The following EEF2 variants were observed in gnomAD, a reference collection of about 807,000 sequenced individuals.
The protein encoded by EEF2 is elongation factor 2.
A neutral mutation model predicts 85.3 loss-of-function variants in EEF2; 21 were observed. That is an observed-to-expected ratio of 0.25 (90% confidence interval 0.17 to 0.35). The LOEUF is 0.35. EEF2 is among the 10% of genes least tolerant of loss of function. The pLI is 1.00. For missense variants in EEF2, 825 were observed against 1,225.3 expected (o/e 0.67, Z 4.88); for synonymous variants, 723 against 508.8 (o/e 1.42, Z -5.67).
At position 3,982,209 on chromosome 19, in the gene EEF2, G is replaced by T. The variant is rs147164125; in HGVS notation, c.791+37C>A. 5.7e-4 allele frequency: 921 copies of T among 1,610,616 alleles called. 4 individuals carry two copies. Among genetic ancestry groups the T allele is most frequent in the Middle Eastern group, 5.3e-3 (32 of 6,004 alleles). ...CCTACGTCGCTGCCACTACCCCCAG[G>T]TGTCAGGAATCCCCCACCATATCCC... On this transcript the variant is annotated intron_variant, in intron 5 of 14. Coordinates refer to ENST00000309311, the MANE Select transcript of EEF2 (RefSeq NM_001961.4).
Position 3,980,602 on chromosome 19 carries a change from G to T in EEF2, c.1258C>A (p.Leu420Met). The T allele has an allele frequency of 5.6e-6, 9 of 1,614,240 alleles. No individual in the cohort carries two copies. The highest frequency in any genetic ancestry group is 7.6e-6 in the Non-Finnish European group (9 of 1,180,040). Residue 420 changes from leucine to methionine, a missense_variant, in exon 9 of 15, where the codon CTG becomes ATG. Physicochemically the swap from Leu to Met is conservative, Grantham distance 15 (BLOSUM62 2). Coordinates refer to ENST00000309311, the MANE Select transcript of EEF2 (RefSeq NM_001961.4). ...FYAFGRVFSG[L>M]VSTGLKVRIM... ...CTGACCTTCAGGCCAGTGGAGACCA[G>T]CCCCGAGAAGACTCGTCCAAAGGCG...
At position 3,980,952 on chromosome 19, in the gene EEF2, C is replaced by A; in HGVS notation, c.1039G>T (p.Gly347Ter). 1 of 1,574,114 alleles carries A rather than the reference C, an allele frequency of 6.4e-7. No homozygotes were observed. The change falls in exon 8 of 15, where the codon GGA (glycine) becomes TGA (stop). Residue 347 changes from glycine (G) to a stop codon, truncating the protein, a stop_gained. Coordinates refer to ENST00000309311, the MANE Select transcript of EEF2 (RefSeq NM_001961.4). LOFTEE classifies it high-confidence loss of function. ...KAVMRRWLPA[G>*]DALLQMITIH... ...GTGATCATCTGCAACAAGGCGTCTCCGGCAGGCAGCCAGCGGCGCATCACA... is the reference window on the plus strand; with the variant it reads ...GTGATCATCTGCAACAAGGCGTCTCAGGCAGGCAGCCAGCGGCGCATCACA...
intron 7 of EEF2, 107 bp from the exon 8 acceptor site, chr19:3,981,086 G>A (rs559146259): frequency 6.8e-6 from 10 of 1,465,986 alleles, no homozygotes; most frequent in East Asian, 2.5e-5. Context: ...CAGGACTAAC[G>A]TTCTCCAAAG....
At position 3,980,126 on chromosome 19, in the gene EEF2, C is replaced by G. The variant is rs533299244; in HGVS notation, c.1347-60G>C. 299 of 1,569,116 alleles carry G rather than the reference C, an allele frequency of 1.9e-4. 2 individuals are homozygous for G. The East Asian group carries it at 6.7e-3, about 35-fold the overall frequency. ...GATGGTTGTGCTGGACCCTGGAGGG[C>G]CAGGGCAGGTCCCTCCCGGAGTTGG... On this transcript the variant is annotated intron_variant, in intron 9 of 14. Coordinates refer to ENST00000309311, the MANE Select transcript of EEF2 (RefSeq NM_001961.4).
rs1599191033 is a variant in EEF2 at position 3,977,927 on chromosome 19, C to G, written c.1959G>C (p.Gly653=). Residue 653 remains glycine (G), a synonymous_variant, in exon 12 of 15, where the codon GGG becomes GGC. Coordinates refer to ENST00000309311, the MANE Select transcript of EEF2 (RefSeq NM_001961.4). This position sits in a 1 kb window ranked among gnomAD's most constrained non-coding sequence, Gnocchi z 5.4. The stretch of plus-strand genomic sequence containing the variant: ...GGATGTTGGGGCCGGTGCCGTCGGG[C>G]CCAAAGCACCAGATCTTGCGGGCCT... The part of the protein sequence containing the change: ...VAEARKIWCF[G]PDGTGPNILT... 1 of 1,613,516 alleles carries G rather than the reference C, an allele frequency of 6.2e-7. No homozygotes were observed. Among genetic ancestry groups the G allele is most frequent in the Non-Finnish European group, 8.5e-7 (1 of 1,179,974 alleles).
chr19:3,976,340 G>A lies in EEF2; in HGVS notation c.*214C>T, dbSNP rs1191924955. ...CCGGCCCATTAAGTCCCTACTAAGA[G>A]GGCGTGTCTGCTGCCTCCGGACTCT... On this transcript the variant is annotated 3_prime_UTR_variant, in exon 15 of 15. Coordinates refer to ENST00000309311, the MANE Select transcript of EEF2 (RefSeq NM_001961.4). The A allele has an allele frequency of 8.0e-6, 3 of 376,486 alleles. No homozygotes were observed. Among genetic ancestry groups the A allele is most frequent in the East Asian group, 7.1e-5 (1 of 14,180 alleles). 23.3% of individuals were successfully genotyped at this position (376,486 alleles called of 1,614,324 possible). A position where few individuals can be genotyped will look rare whatever the true frequency, so the allele number is the denominator to read the frequency against.
In EEF2 at chr19:3,977,358, G is replaced by A. The variant is rs767795812; in HGVS notation, c.2251-11C>T. The A allele has an allele frequency of 6.9e-6, 11 of 1,590,884 alleles. No individual in the cohort carries two copies. In the East Asian group the frequency reaches 1.6e-4, roughly 23 times the overall value. On this transcript the variant is annotated splice_polypyrimidine_tract_variant and intron_variant, in intron 13 of 14. Transcript: ENST00000309311. The surrounding 1 kb of genome is among the most constrained non-coding windows in gnomAD (Gnocchi z 5.4). ...CACCTGCTCTGGACACTGCCAGAAGGGAAAGAAAACCTGTCAGTGGCCGCT... is the reference window on the plus strand; with the variant it reads ...CACCTGCTCTGGACACTGCCAGAAGAGAAAGAAAACCTGTCAGTGGCCGCT...
intron 4 of EEF2, 87 bp downstream of exon 4, chr19:3,982,720 C>T: frequency 7.0e-7 from 1 of 1,425,534 alleles, no homozygotes; most frequent in Non-Finnish European, 9.6e-7. Flanking sequence ...AACACACTTC[C>T]AGTCCCCCTC....
At chr19:3,978,468 ATT>A (rs1163441638) in intron 11 of EEF2, among the ~76,000 whole-genome samples, 1 of 152,136 alleles carries the variant, frequency 6.6e-6, no homozygotes, top group Non-Finnish European at 1.5e-5. Context: ...CCTCCAGAGC[ATT>A]TGTGTTGTTT....
intron 1 of EEF2, 68 bp downstream of exon 1, chr19:3,985,310 C>G: frequency 7.3e-7 from 1 of 1,371,782 alleles, no homozygotes; most frequent in Non-Finnish European, 9.5e-7. Context: ...GCGTCCCAGG[C>G]TAGGCAGCGT....
At chr19:3,980,453 C>A in intron 9 of EEF2, 61 bp downstream of exon 9, 1 of 1,545,446 alleles carries the variant, frequency 6.5e-7, no homozygotes. Context: ...GAGCCCAAGA[C>A]TTGGAGCAGG....
chr19:3,981,335 G>T lies in EEF2; in HGVS notation c.1011+4C>A, dbSNP rs375407148. On this transcript the variant is annotated splice_donor_region_variant and intron_variant, in intron 7 of 14. Transcript: ENST00000309311. ...CCACCCCGAGGGCTGGGCCCAGGCC[G>T]CACCTTCAGCAGGGGTTTGCCTTCT... is the stretch of plus-strand genomic sequence containing the variant. 34 of 1,613,382 alleles carry T rather than the reference G, an allele frequency of 2.1e-5. 1 individual carries two copies. In the African/African-American group the frequency reaches 2.4e-4, roughly 11 times the overall value.
chr19:3,980,405 A>G, intron 9 of EEF2, 109 bp downstream of exon 9: 22 of 1,347,896 alleles, frequency 1.6e-5, no homozygotes, highest in Non-Finnish European at 2.2e-5. Flanking sequence ...ATCACCCTAT[A>G]TTCCTTCTAT....
Position 3,978,301 on chromosome 19 carries a change from G to A in EEF2, c.1714-129C>T, listed in dbSNP as rs777373355. ...CTGGTAGAGCCACGTCAATCAGAAC[G>A]AAGCGGAGTCAGTGTTGCAGTGCCA... On this transcript the variant is annotated intron_variant, in intron 11 of 14. Coordinates refer to ENST00000309311, the MANE Select transcript of EEF2 (RefSeq NM_001961.4). 12 of 751,740 alleles carry A rather than the reference G, an allele frequency of 1.6e-5. No individual in the cohort carries two copies. In the East Asian group the frequency reaches 1.8e-4, roughly 11 times the overall value. The allele number at this position is 751,740 out of a possible 1,614,324, so 46.6% of individuals were successfully genotyped here.
rs2039676363 is a variant in EEF2, at chr19:3,976,093, G to A, written c.*461C>T. On this transcript the variant is annotated 3_prime_UTR_variant, in exon 15 of 15. Transcript: ENST00000309311. ...CAAATTTATTATTCCAATGGCACTA[G>A]TACAGCTGGAGGTGCTCATGGTGAC... is the stretch of plus-strand genomic sequence containing the variant. The A allele has an allele frequency of 5.5e-6, 1 of 181,386 alleles. No homozygotes were observed. The highest frequency in any genetic ancestry group is 9.9e-5 in the South Asian group (1 of 10,086). 11.2% of individuals were successfully genotyped at this position (181,386 alleles called of 1,614,324 possible).
chr19:3,978,035 G>A lies in EEF2; in HGVS notation c.1851C>T (p.Ile617=), dbSNP rs777751138. 56 of 1,602,324 alleles carry A rather than the reference G, an allele frequency of 3.5e-5. No individual in the cohort carries two copies. The highest frequency in any genetic ancestry group is 7.8e-5 in the South Asian group (7 of 89,976). The change falls in exon 12 of 15, where the codon ATC becomes ATT. Residue 617 remains isoleucine (I), a synonymous_variant. Transcript: ENST00000309311. The part of the protein sequence containing the change: ...RPFPDGLAED[I]DKGEVSARQE... ...GACGGGCGGACACCTCGCCTTTATC[G>A]ATGTCCTCGGCCAGGCCGTCGGGGA...
chr19:3,983,881 G>T (rs2039786792), intron 2 of EEF2: 1 of 533,794 alleles, frequency 1.9e-6, no homozygotes, highest in Non-Finnish European at 3.4e-6. Context: ...TGTAGGAGTG[G>T]GGGCAAGTCC....
chr19:3,982,222 C>T, intron 5 of EEF2, 24 bp downstream of exon 5: 1 of 1,612,256 alleles, frequency 6.2e-7, no homozygotes, highest in South Asian at 1.1e-5. Context: ...TCAGGAATCC[C>T]CCACCATATC....
chr19:3,979,544 GA>G, intron 10 of EEF2, 108 bp from the exon 11 acceptor site: 2 of 1,065,996 alleles, frequency 1.9e-6, no homozygotes, highest in East Asian at 4.8e-5. Context: ...AGATTTCAGG[GA>G]AGGTGCTGGG....
Sources: allele counts gnomAD v4.1 joint callset (sites outside exome capture counted in the v4.1 genomes callset), GRCh38; gene constraint gnomAD v4.1.1; non-coding constraint Gnocchi (gnomAD v3.1); transcripts MANE v1.5; gene names NCBI Gene and HGNC (gene_info 2026-07-23, HGNC 2026-07-21).